Variants in LRP1B observed in about 807,000 individuals in gnomAD.
LRP1B encodes low-density lipoprotein receptor-related protein 1B.
Under a neutral mutation model 556.6 loss-of-function variants are expected in LRP1B, and 217 were observed. The ratio of observed to expected loss-of-function variants is 0.39; its 90% CI spans 0.35 to 0.44. The LOEUF (loss-of-function observed/expected upper bound fraction) is 0.44. Ranked by LOEUF, LRP1B falls within the 20% of genes least tolerant of loss-of-function variation. LRP1B has a pLI of 1.00. For synonymous variants in LRP1B, 2,047 were observed against 1,865.8 expected (o/e 1.10, Z -2.50); for missense variants, 5,053 against 5,620.8 (o/e 0.90, Z 3.23).
In LRP1B at chr2:141,830,441, C is replaced by G. The variant is rs561779736; in HGVS notation, c.83-20040G>C. 1.4e-3 allele frequency among the ~76,000 whole-genome samples: 219 copies of G among 151,976 alleles called. 1 individual carries two copies. Among genetic ancestry groups the G allele is most frequent in the African/African-American group, 5.2e-3 (217 of 41,532 alleles). The stretch of plus-strand genomic sequence containing the variant: ...CTAAACCCTGGAATAGATAAATCAT[C>G]TCCCCTTCTCTCAGCATATCACTCA... On this transcript the variant is annotated intron_variant, in intron 1 of 90. Transcript: ENST00000389484.
At chr2:141,252,196 C>G (rs1684288051) in intron 4 of LRP1B, among the ~76,000 whole-genome samples, 1 of 146,588 alleles carries the variant, frequency 6.8e-6, no homozygotes, top group Non-Finnish European at 1.5e-5. Context: ...CCCCCACCAC[C>G]CCCCACCCCC....
chr2:141,028,992 C>T (rs1698292256), intron 11 of LRP1B, among the ~76,000 whole-genome samples: 1 of 151,966 alleles, frequency 6.6e-6, no homozygotes, highest in Non-Finnish European at 1.5e-5. Context: ...ATTGGGCTGG[C>T]CAGAAGGGCT....
chr2:142,061,283 T>G (rs1003072409), intron 1 of LRP1B, among the ~76,000 whole-genome samples: 1 of 151,950 alleles, frequency 6.6e-6, no homozygotes, highest in Admixed American at 6.6e-5. Flanking sequence ...GTTTTTGGAA[T>G]GAAAGAAGTC....
chr2:140,934,320 G>A (rs893537337), intron 20 of LRP1B, among the ~76,000 whole-genome samples: 1 of 152,072 alleles, frequency 6.6e-6, no homozygotes, highest in Non-Finnish European at 1.5e-5. Flanking sequence ...AAAAATAACA[G>A]CAGTTGTTTT....
chr2:140,771,949 T>C (rs1689326730), intron 33 of LRP1B, among the ~76,000 whole-genome samples: 1 of 152,218 alleles, frequency 6.6e-6, no homozygotes, highest in Admixed American at 6.5e-5. Flanking sequence ...TTCTTCTGAA[T>C]TCAAGATGGT....
At chr2:140,872,285 T>C (rs1368095450) in intron 25 of LRP1B, among the ~76,000 whole-genome samples, 1 of 150,794 alleles carries the variant, frequency 6.6e-6, no homozygotes, top group Non-Finnish European at 1.5e-5. Flanking sequence ...TGTTTTTCCT[T>C]ACAGAATCTC....
chr2:141,008,056 A>C (rs1697629747), intron 14 of LRP1B, among the ~76,000 whole-genome samples: 1 of 151,366 alleles, frequency 6.6e-6, no homozygotes, highest in Non-Finnish European at 1.5e-5. Context: ...TTCCAGATAG[A>C]TCTCATATGA....
In LRP1B at chr2:141,679,789, G is replaced by A. The variant is rs142938251; in HGVS notation, c.205+130490C>T. ...GTAGATCTGCATGTATTAACATAAA[G>A]CACAAAAGTATACTAATACTTTGAT... On this transcript the variant is annotated intron_variant, in intron 2 of 90. Transcript: ENST00000389484. Among the ~76,000 whole-genome samples the A allele has an allele frequency of 1.4e-3, 214 of 151,768 alleles. 1 individual carries two copies. The highest frequency in any genetic ancestry group is 4.9e-3 in the African/African-American group (202 of 41,424).
chr2:141,841,519 A>T (rs1023421087), intron 1 of LRP1B, among the ~76,000 whole-genome samples: 19 of 151,308 alleles, frequency 1.3e-4, no homozygotes, highest in African/African-American at 3.9e-4. Context: ...TCCCTCCCCA[A>T]CTCCTCCCTG....
intron 35 of LRP1B, among the ~76,000 whole-genome samples, chr2:140,736,107 TC>T: frequency 6.6e-6 from 1 of 151,966 alleles, no homozygotes; most frequent in Middle Eastern, 3.4e-3. Flanking sequence ...TATCTGATCT[TC>T]CCTGATAGAT....
intron 2 of LRP1B, among the ~76,000 whole-genome samples, chr2:141,634,281 G>A (rs1294212622): frequency 6.6e-6 from 1 of 151,774 alleles, no homozygotes; most frequent in Admixed American, 6.6e-5. Flanking sequence ...ACTTGAAATT[G>A]AATAAATCAC....
intron 3 of LRP1B, among the ~76,000 whole-genome samples, chr2:141,373,559 C>T (rs1689313800): frequency 6.6e-6 from 1 of 151,400 alleles, no homozygotes; most frequent in Admixed American, 6.6e-5. Flanking sequence ...TTGTTGTATC[C>T]TTTTAATAAA....
chr2:140,926,644 A>G (rs547485276), intron 20 of LRP1B, among the ~76,000 whole-genome samples: 1 of 152,266 alleles, frequency 6.6e-6, no homozygotes, highest in East Asian at 1.9e-4. Context: ...CACCCAGCTA[A>G]TGTCCATGAT....
chr2:141,041,373 T>TG (rs1698692088), intron 11 of LRP1B, among the ~76,000 whole-genome samples: 1 of 152,090 alleles, frequency 6.6e-6, no homozygotes, highest in Non-Finnish European at 1.5e-5. Flanking sequence ...AAAGTCTAGG[T>TG]GCAAGCAGAG....
intron 59 of LRP1B, among the ~76,000 whole-genome samples, chr2:140,479,695 A>G (rs1253537152): frequency 6.6e-6 from 1 of 152,164 alleles, no homozygotes; most frequent in Non-Finnish European, 1.5e-5. Flanking sequence ...AATTAACCAT[A>G]TATGTTATTT....
At chr2:140,738,337 G>T (rs1487465484) in intron 35 of LRP1B, among the ~76,000 whole-genome samples, 1 of 152,054 alleles carries the variant, frequency 6.6e-6, no homozygotes, top group Admixed American at 6.6e-5. Context: ...CGGTGGGTGG[G>T]CAGGGAAGAG....
chr2:141,459,443 C>T (rs917348608), intron 3 of LRP1B, among the ~76,000 whole-genome samples: 1 of 152,090 alleles, frequency 6.6e-6, no homozygotes, highest in Non-Finnish European at 1.5e-5. Flanking sequence ...TGGGTGCAGG[C>T]ATATGTTCCT....
chr2:140,986,613 T>A (rs1544962), intron 17 of LRP1B, among the ~76,000 whole-genome samples: 49,137 of 151,842 alleles, frequency 0.32, 8,379 homozygotes, highest in East Asian at 0.58. Context: ...CAGTGCTTCC[T>A]TTAAGAAGTC....
At chr2:141,076,593 G>A (rs2104871682) in intron 7 of LRP1B, among the ~76,000 whole-genome samples, 2 of 152,256 alleles carry the variant, frequency 1.3e-5, no homozygotes, top group Admixed American at 1.3e-4. Flanking sequence ...AATTCAACCT[G>A]AGGATGCATC....
Sources: gnomAD v4.1 joint callset for allele counts (sites outside exome capture counted in the v4.1 genomes callset) on GRCh38, gnomAD v4.1.1 for gene constraint, MANE v1.5 for transcripts, NCBI Gene and HGNC (gene_info 2026-07-23, HGNC 2026-07-21) for gene names.